IDH3A: variants seen among roughly 807,000 people sequenced by gnomAD.
IDH3A encodes the protein isocitrate dehydrogenase [NAD] subunit alpha, mitochondrial.
A neutral mutation model predicts 43.3 loss-of-function variants in IDH3A; 23 were observed. The observed-to-expected ratio is 0.53, with a 90% CI of 0.38 to 0.75. IDH3A has a LOEUF of 0.75. Ranked by LOEUF, IDH3A falls within the 30% of genes least tolerant of loss-of-function variation. The pLI, the probability that IDH3A is intolerant of heterozygous loss-of-function variation, is 0.00. For synonymous variants in IDH3A, 154 were observed against 163.5 expected (o/e 0.94, Z 0.44); for missense variants, 329 against 474.4 (o/e 0.69, Z 2.85).
rs1205294920 is a variant in IDH3A, at chr15:78,160,206, G to T, written c.289G>T (p.Gly97Cys). ...SMDKNKMGLK[G>C]PLKTPIAAGH... The stretch of plus-strand genomic sequence containing the variant: ...GGATAAGAACAAGATGGGCTTGAAA[G>T]GTAGCACTGAAGTAGAGACGGGGGT... Residue 97 changes from glycine to cysteine, a missense_variant and splice_region_variant, in exon 4 of 11, where the codon GGC becomes TGC. By Grantham distance (159) the Gly-to-Cys change is radical. Coordinates refer to ENST00000299518, the MANE Select transcript of IDH3A (RefSeq NM_005530.3). 6.4e-7 allele frequency: 1 copy of T among 1,552,158 alleles called. No individual in the cohort carries two copies. The highest frequency in any genetic ancestry group is 8.9e-7 in the Non-Finnish European group (1 of 1,123,570).
At chr15:78,163,427 AACTT>A in intron 6 of IDH3A, 76 bp from the exon 7 acceptor site, 1 of 988,250 alleles carries the variant, frequency 1.0e-6, no homozygotes, top group Non-Finnish European at 1.6e-6. Context: ...AAATGTCTTG[AACTT>A]ACTTTACTTC....
At chr15:78,164,922 C>A in intron 8 of IDH3A, 70 bp from the exon 9 acceptor site, 1 of 1,231,914 alleles carries the variant, frequency 8.1e-7, no homozygotes, top group Non-Finnish European at 1.2e-6. Flanking sequence ...TAATTAAAAA[C>A]TAAAATCTGG....
Position 78,161,742 on chromosome 15 carries a change from G to T in IDH3A, c.451G>T (p.Gly151Ter), listed in dbSNP as rs2074683396. 1 of 1,614,106 alleles carries T rather than the reference G, an allele frequency of 6.2e-7. No homozygotes were observed. Among genetic ancestry groups the T allele is most frequent in the Non-Finnish European group, 8.5e-7 (1 of 1,179,968 alleles). The change falls in exon 5 of 11, where the codon GGA (glycine) becomes TGA (stop). Residue 151 changes from glycine to a stop codon, truncating the protein, a stop_gained. Coordinates refer to ENST00000299518, the MANE Select transcript of IDH3A (RefSeq NM_005530.3). LOFTEE classifies it high-confidence loss of function. The surrounding 1 kb of genome is among the most constrained non-coding windows in gnomAD (Gnocchi z 4.8). ...TGTGACCATTCGAGAGAACACAGAA[G>T]GAGAATACAGTGGAATTGAGCATGT... ...NIVTIRENTE[G>*]EYSGIEHVIV... is the part of the protein sequence containing the mutation.
At chr15:78,149,574 T>C (rs2074555810) in intron 1 of IDH3A, 144 bp downstream of exon 1, 1 of 644,242 alleles carries the variant, frequency 1.6e-6, no homozygotes, top group Non-Finnish European at 2.4e-6. Context: ...GAGCCGGTCC[T>C]GGTCGCCCGT....
Position 78,169,003 on chromosome 15 carries a change from T to G in IDH3A, c.1099T>G (p.Ter367GluextTer12). Residue 367 changes from the stop codon to glutamate (E), a stop_lost, in exon 11 of 11, where the codon TAA (stop) becomes GAA (glutamate). Coordinates refer to ENST00000299518, the MANE Select transcript of IDH3A (RefSeq NM_005530.3). ...EICRRVKDLD* is the reference protein window; with the variant it reads ...EICRRVKDLDE ...CTGTCGCCGAGTAAAAGATTTAGAT[T>G]AACACTTCTACAACTGGCATTTACA... 6.3e-7 allele frequency: 1 copy of G among 1,587,306 alleles called. No individual in the cohort carries two copies. The highest frequency in any genetic ancestry group is 8.6e-7 in the Non-Finnish European group (1 of 1,157,330).
At chr15:78,160,912 C>T (rs1022628499) in intron 4 of IDH3A, among the ~76,000 whole-genome samples, 1 of 152,060 alleles carries the variant, frequency 6.6e-6, no homozygotes. Context: ...TTGAGAGTCT[C>T]GCTCTGTTGC....
intron 2 of IDH3A, 143 bp from the exon 3 acceptor site, chr15:78,157,405 C>T (rs1034621867): frequency 2.0e-4 from 132 of 657,874 alleles, no homozygotes; most frequent in African/African-American, 1.6e-3. Flanking sequence ...TGATGACCCC[C>T]GGGGAGGTAT....
chr15:78,157,341 CAGGTAAAGAGT>C (rs149612418), intron 2 of IDH3A, 196 bp from the exon 3 acceptor site: 38,027 of 640,330 alleles, frequency 0.059, 1,479 homozygotes, highest in South Asian at 0.17. Flanking sequence ...CCTCTGAACT[CAGGTAAAGAGT>C]AGGATTGCAG....
chr15:78,163,508 C>T lies in IDH3A; in HGVS notation c.613C>T (p.Arg205Trp). 6.2e-7 allele frequency: 1 copy of T among 1,603,062 alleles called. No individual in the cohort carries two copies. The highest frequency in any genetic ancestry group is 8.5e-7 in the Non-Finnish European group (1 of 1,171,158). Residue 205 changes from arginine (R) to tryptophan (W), a missense_variant and splice_region_variant, in exon 7 of 11, where the codon CGG becomes TGG. Around this residue, in one of 3 missense-constraint regions of IDH3A, gnomAD observed 212 missense variants for 345.5 expected, o/e 0.61. Transcript: ENST00000299518. ...VTAVHKANIMRMSDGLFLQKC... is the reference protein window; with the variant it reads ...VTAVHKANIMWMSDGLFLQKC... The stretch of plus-strand genomic sequence containing the variant: ...CAGTTTTTATTTGATTAAATACAGG[C>T]GGATGTCAGATGGGCTTTTTCTACA...
rs1045151988 is a variant in IDH3A at position 78,168,696 on chromosome 15, A to T, written c.1018-226A>T. 5 of 352,714 alleles carry T rather than the reference A, an allele frequency of 1.4e-5. No homozygotes were observed. The Admixed American group carries it at 2.3e-4, about 16-fold the overall frequency. The allele number at this position is 352,714 out of a possible 1,614,324, so 21.8% of individuals were successfully genotyped here. ...CCCTGCCTCCCTTTGCATCAAGAGC[A>T]CCTTATTCTTTGCAGAGTGCTGTTG... On this transcript the variant is annotated intron_variant, in intron 10 of 10. Coordinates refer to ENST00000299518, the MANE Select transcript of IDH3A (RefSeq NM_005530.3).
Position 78,157,830 on chromosome 15 carries a change from T to C in IDH3A, c.174+199T>C, listed in dbSNP as rs1331212667. Among the ~76,000 whole-genome samples the C allele has an allele frequency of 2.6e-5, 4 of 151,968 alleles. No homozygotes were observed. The East Asian group carries it at 5.8e-4, about 22-fold the overall frequency. ...TGCCATTATTTCTTTCTTTCTTTTT[T>C]TTTTTTTTTTAAATTTAGAGATGAG... On this transcript the variant is annotated intron_variant, in intron 3 of 10. Transcript: ENST00000299518.
chr15:78,157,689 G>T (rs973182743), intron 3 of IDH3A, 58 bp downstream of exon 3: 1 of 1,205,782 alleles, frequency 8.3e-7, no homozygotes, highest in Non-Finnish European at 1.2e-6. Flanking sequence ...TTCTTAGCCA[G>T]TTGGATTCTG....
intron 10 of IDH3A, among the ~76,000 whole-genome samples, chr15:78,166,767 G>T (rs2074748440): frequency 6.6e-6 from 1 of 152,310 alleles, no homozygotes; most frequent in East Asian, 1.9e-4. Context: ...TAGTAGCTGG[G>T]ATTACAGGCG....
intron 1 of IDH3A, among the ~76,000 whole-genome samples, chr15:78,152,638 G>T (rs995239742): frequency 2.0e-5 from 3 of 152,206 alleles, no homozygotes; most frequent in Admixed American, 2.0e-4. Flanking sequence ...GGGATTACAG[G>T]CGTGAGCCAC....
chr15:78,171,424 A>G lies in IDH3A; in HGVS notation c.*2419A>G. Reference sequence around the variant, plus strand: ...AACGCCTGCCCTCTATTCTATAGAAACTGCAGGCATAGGCCCTGATTACAT... The same window carrying G: ...AACGCCTGCCCTCTATTCTATAGAAGCTGCAGGCATAGGCCCTGATTACAT... On this transcript the variant is annotated 3_prime_UTR_variant, in exon 11 of 11. Coordinates refer to ENST00000299518, the MANE Select transcript of IDH3A (RefSeq NM_005530.3). The G allele has an allele frequency of 6.2e-7, 1 of 1,607,612 alleles. No homozygotes were observed. Among genetic ancestry groups the G allele is most frequent in the East Asian group, 2.2e-5 (1 of 44,848 alleles).
chr15:78,161,552 T>A lies in IDH3A; in HGVS notation c.290-29T>A, dbSNP rs1295890091. The A allele has an allele frequency of 2.5e-6, 4 of 1,593,418 alleles. No individual in the cohort carries two copies. The highest frequency in any genetic ancestry group is 3.4e-6 in the Non-Finnish European group (4 of 1,168,358). On this transcript the variant is annotated intron_variant, in intron 4 of 10. Coordinates refer to ENST00000299518, the MANE Select transcript of IDH3A (RefSeq NM_005530.3). The surrounding 1 kb of genome is among the most constrained non-coding windows in gnomAD (Gnocchi z 4.8). ...CACGTGAGACCAGAATTCCTTCTAG[T>A]GTCATCTGGGTTTTCTTCTGTATAA...
chr15:78,164,859 C>T (rs1185816369), intron 8 of IDH3A, 133 bp from the exon 9 acceptor site: 5 of 681,308 alleles, frequency 7.3e-6, no homozygotes, highest in Non-Finnish European at 1.0e-5. Flanking sequence ...TAACCTTTGC[C>T]CTGGAATCAG....
In IDH3A at chr15:78,162,492, C is replaced by G. The variant is rs570515580; in HGVS notation, c.611+125C>G. ...ATATCTTTGAAAAAGAACTTTGTAA[C>G]AATCCAAAGATACGGCATCTCTCTT... On this transcript the variant is annotated intron_variant, in intron 6 of 10. Coordinates refer to ENST00000299518, the MANE Select transcript of IDH3A (RefSeq NM_005530.3). The G allele has an allele frequency of 4.2e-6, 4 of 961,512 alleles. No homozygotes were observed. The Admixed American group carries it at 7.5e-5, about 18-fold the overall frequency. The allele number at this position is 961,512 out of a possible 1,614,324, so 59.6% of individuals were successfully genotyped here. A position where few individuals can be genotyped will look rare whatever the true frequency, so the allele number is the denominator to read the frequency against.
At chr15:78,155,867 G>C (rs1281343005) in intron 2 of IDH3A, 3 of 152,286 alleles carry the variant, frequency 2.0e-5, no homozygotes, top group African/African-American at 7.2e-5. Context: ...AACATTCTAA[G>C]ACTGTGGGTC....
Sources: gnomAD v4.1 joint callset for allele counts (sites outside exome capture counted in the v4.1 genomes callset) on GRCh38, gnomAD v4.1.1 for gene constraint, gnomAD v4.1.1 regional missense constraint, Gnocchi (gnomAD v3.1) non-coding constraint, MANE v1.5 for transcripts, NCBI Gene and HGNC (gene_info 2026-07-23, HGNC 2026-07-21) for gene names.